PCLO: variants seen among roughly 807,000 people sequenced by gnomAD.
The protein encoded by PCLO is protein piccolo.
Under a neutral mutation model 427.5 loss-of-function variants are expected in PCLO, and 82 were observed. The observed-to-expected ratio is 0.19, with a 90% confidence interval of 0.16 to 0.23. The LOEUF is 0.23. PCLO is among the 10% of genes least tolerant of loss of function. PCLO has a pLI of 1.00. For synonymous variants in PCLO, 2,357 were observed against 2,155.4 expected (o/e 1.09, Z -2.59); for missense variants, 6,239 against 6,115.9 (o/e 1.02, Z -0.67).
At chr7:83,065,988 T>C (rs1789661796) in intron 3 of PCLO, among the ~76,000 whole-genome samples, 1 of 152,112 alleles carries the variant, frequency 6.6e-6, no homozygotes, top group African/African-American at 2.4e-5. Flanking sequence ...GTATTCTGCC[T>C]GCTGTATTCA....
rs1795302479 is a variant in PCLO, at chr7:82,950,182, T to C, written c.10406A>G (p.Asp3469Gly). Reference protein sequence around the residue: ...SRRRRTKKSVDTSVQTDDEDQ... With the variant: ...SRRRRTKKSVGTSVQTDDEDQ... ...TTCATCATCAGTTTGGACGCTTGTA[T>C]CCACACTCTTTTTAGTTCTCCTTCT... The change falls in exon 6 of 25, where the codon GAT becomes GGT. Residue 3469 changes from aspartate (D) to glycine (G), a missense_variant. Physicochemically the swap from Asp to Gly is moderately conservative, Grantham distance 94. This residue lies in a region of PCLO where 4,677 missense variants were observed against 4,468.4 expected (regional missense o/e 1.05). Transcript: ENST00000333891. 1 of 1,611,568 alleles carries C rather than the reference T, an allele frequency of 6.2e-7. No homozygotes were observed.
chr7:83,004,951 C>A (rs1434769854), intron 3 of PCLO, among the ~76,000 whole-genome samples: 1 of 150,986 alleles, frequency 6.6e-6, no homozygotes, highest in Admixed American at 6.6e-5. Flanking sequence ...ATCAGGAAAA[C>A]GCGAATCAAA....
intron 10 of PCLO, among the ~76,000 whole-genome samples, chr7:82,869,403 T>C (rs1793175124): frequency 1.3e-5 from 2 of 152,078 alleles, no homozygotes; most frequent in African/African-American, 4.8e-5. Context: ...ATTATATGTC[T>C]AATTTTTTTC....
chr7:82,999,304 TTAAA>T (rs1331807289), intron 3 of PCLO, among the ~76,000 whole-genome samples: 1 of 142,136 alleles, frequency 7.0e-6, no homozygotes, highest in East Asian at 2.1e-4. Context: ...ATATTATATA[TTAAA>T]TATATATGGA....
At chr7:83,114,095 CT>C (rs1277144053) in intron 3 of PCLO, among the ~76,000 whole-genome samples, 1 of 152,194 alleles carries the variant, frequency 6.6e-6, no homozygotes, top group Non-Finnish European at 1.5e-5. Context: ...ACAATTATAA[CT>C]CGATTAAGAG....
At chr7:83,114,773 T>C (rs958253076) in intron 3 of PCLO, among the ~76,000 whole-genome samples, 20 of 152,210 alleles carry the variant, frequency 1.3e-4, no homozygotes, top group Admixed American at 1.2e-3. Context: ...CATGAGAAAA[T>C]TGACTCTAAG....
chr7:82,800,971 G>A (rs1356644419), intron 22 of PCLO, among the ~76,000 whole-genome samples: 3 of 151,748 alleles, frequency 2.0e-5, no homozygotes, highest in South Asian at 2.1e-4. Flanking sequence ...GTTTGCTGAC[G>A]TCAAGGATTT....
intron 2 of PCLO, among the ~76,000 whole-genome samples, chr7:83,140,781 C>T (rs1791841128): frequency 6.6e-6 from 1 of 152,140 alleles, no homozygotes; most frequent in Non-Finnish European, 1.5e-5. Flanking sequence ...ATCTGCTAGC[C>T]ATAAATATTT....
In PCLO at chr7:82,767,301, T is replaced by A. The variant is rs547085528; in HGVS notation, c.15008-5808A>T. ...TTTGGTCGTATTAAAAGAATAAAAA[T>A]TAATCCTACTCTAGAGAAGATATTT... is the stretch of plus-strand genomic sequence containing the variant. On this transcript the variant is annotated intron_variant, in intron 22 of 24. Coordinates refer to ENST00000333891, the MANE Select transcript of PCLO (RefSeq NM_033026.6). Among the ~76,000 whole-genome samples the A allele has an allele frequency of 1.4e-4, 22 of 152,226 alleles. No individual in the cohort carries two copies. The South Asian group carries it at 2.1e-3, about 14-fold the overall frequency.
chr7:82,984,578 T>C (rs1170210316), intron 3 of PCLO, among the ~76,000 whole-genome samples: 1 of 151,932 alleles, frequency 6.6e-6, no homozygotes, highest in African/African-American at 2.4e-5. Flanking sequence ...GGAACAAAAG[T>C]GCATCATTCA....
intron 3 of PCLO, among the ~76,000 whole-genome samples, chr7:83,093,683 C>T (rs1234468443): frequency 2.0e-5 from 3 of 148,630 alleles, no homozygotes; most frequent in South Asian, 2.1e-4. Flanking sequence ...TTAGTAGAGA[C>T]GGGGTTTCAC....
At chr7:82,820,093 A>T (rs539086761) in intron 20 of PCLO, among the ~76,000 whole-genome samples, 32 of 152,282 alleles carry the variant, frequency 2.1e-4, no homozygotes, top group African/African-American at 6.0e-4. Context: ...CTTTCTGAAC[A>T]GAGCTATGAG....
At chr7:82,879,876 T>C (rs1487185299) in intron 9 of PCLO, 3 of 445,852 alleles carry the variant, frequency 6.7e-6, no homozygotes, top group African/African-American at 2.0e-5. Context: ...AATCCAATCA[T>C]ACATACAATT....
Position 82,916,793 on chromosome 7 carries a change from C to G in PCLO, c.11193G>C (p.Glu3731Asp). ...KRTLPNPPPE[E>D]ISTGTQSTFS... is the part of the protein sequence containing the mutation. ...ATGTGGATTGAGTTCCTGTGGAAAT[C>G]TCCTCAGGAGGTGGATTTGGCAGAG... The change falls in exon 7 of 25, where the codon GAG (glutamate) becomes GAC (aspartate). Residue 3731 changes from glutamate to aspartate, a missense_variant. Coordinates refer to ENST00000333891, the MANE Select transcript of PCLO (RefSeq NM_033026.6). 6.2e-7 allele frequency: 1 copy of G among 1,613,428 alleles called. No individual in the cohort carries two copies. Among genetic ancestry groups the G allele is most frequent in the Non-Finnish European group, 8.5e-7 (1 of 1,179,482 alleles).
intron 20 of PCLO, chr7:82,822,036 G>T: frequency 1.0e-5 from 10 of 991,874 alleles, no homozygotes; most frequent in Non-Finnish European, 1.2e-5. Context: ...TAGACTTTTT[G>T]AGTGTTTTCA....
intron 10 of PCLO, among the ~76,000 whole-genome samples, chr7:82,870,749 A>C (rs905940331): frequency 6.6e-6 from 1 of 152,164 alleles, no homozygotes; most frequent in African/African-American, 2.4e-5. Flanking sequence ...TAGCAAAAAA[A>C]ACCCCAAATA....
At chr7:82,946,792 G>A (rs1795214237) in intron 6 of PCLO, among the ~76,000 whole-genome samples, 1 of 152,156 alleles carries the variant, frequency 6.6e-6, no homozygotes, top group African/African-American at 2.4e-5. Flanking sequence ...TCCTAATAGA[G>A]TTTAAACTGT....
intron 3 of PCLO, among the ~76,000 whole-genome samples, chr7:83,064,732 A>G (rs190812046): frequency 6.6e-6 from 1 of 152,196 alleles, no homozygotes; most frequent in East Asian, 1.9e-4. Context: ...GGGCACTGAA[A>G]CTCAATAAAT....
At chr7:82,808,657 T>C (rs1489852248) in intron 20 of PCLO, among the ~76,000 whole-genome samples, 6 of 151,928 alleles carry the variant, frequency 3.9e-5, no homozygotes, top group African/African-American at 9.7e-5. Flanking sequence ...TTACCTATGA[T>C]GGAATCAGTC....
Sources: gnomAD v4.1 joint callset for allele counts (sites outside exome capture counted in the v4.1 genomes callset) on GRCh38, gnomAD v4.1.1 for gene constraint, gnomAD v4.1.1 regional missense constraint, MANE v1.5 for transcripts, NCBI Gene and HGNC (gene_info 2026-07-23, HGNC 2026-07-21) for gene names.